The following DPP6 variants were observed in gnomAD, a reference collection of about 807,000 sequenced individuals.
DPP6 encodes the protein A-type potassium channel modulatory protein DPP6.
DPP6 carries 69 observed loss-of-function variants against 122.6 expected under a neutral mutation model. The observed-to-expected ratio is 0.56, with a 90% CI of 0.46 to 0.69. The LOEUF is 0.69. DPP6 is among the 30% of genes least tolerant of loss of function. The probability of loss-of-function intolerance (pLI) is 0.00; values close to 1 mark genes in which losing one functional copy is unlikely to be tolerated. For missense variants in DPP6, 928 were observed against 1,116.9 expected, an observed-to-expected ratio of 0.83 and a Z score of 2.41; for synonymous variants, 418 against 433.1, an observed-to-expected ratio of 0.97 and a Z score of 0.43.
chr7:153,940,253 AG>A (rs1585062028), intron 1 of DPP6, among the ~76,000 whole-genome samples: 1 of 152,072 alleles, frequency 6.6e-6, no homozygotes, highest in East Asian at 1.9e-4. Flanking sequence ...TCCAAACCAG[AG>A]GATCTATTTG....
At chr7:154,191,389 T>C (rs1381086296) in intron 1 of DPP6, among the ~76,000 whole-genome samples, 1 of 152,252 alleles carries the variant, frequency 6.6e-6, no homozygotes, top group Admixed American at 6.5e-5. Flanking sequence ...TGTTGCCTTA[T>C]TTATAAAATA....
chr7:154,446,924 C>T (rs542685083), intron 2 of DPP6, among the ~76,000 whole-genome samples: 8 of 152,082 alleles, frequency 5.3e-5, no homozygotes, highest in South Asian at 2.1e-4. Flanking sequence ...GAAGGTAGTA[C>T]GTAAAGTGGG....
At chr7:154,441,475 C>T (rs866278158) in intron 1 of DPP6, among the ~76,000 whole-genome samples, 7 of 152,140 alleles carry the variant, frequency 4.6e-5, no homozygotes, top group Middle Eastern at 3.2e-3. Flanking sequence ...GTGTCCCACT[C>T]CTTTCCTCCT....
chr7:153,877,026 G>T, the DPP6 span, among the ~76,000 whole-genome samples: 2 of 151,920 alleles, frequency 1.3e-5, no homozygotes, highest in African/African-American at 4.8e-5. Context: ...AGTGGTGAGT[G>T]AATGTGAAGG....
intron 4 of DPP6, among the ~76,000 whole-genome samples, chr7:154,546,557 T>A (rs1403309942): frequency 6.6e-6 from 1 of 152,160 alleles, no homozygotes; most frequent in East Asian, 1.9e-4. Context: ...TGTCTTGTTT[T>A]AATTACTAAT....
chr7:154,523,124 T>C (rs1417753996), intron 3 of DPP6, among the ~76,000 whole-genome samples: 1 of 152,230 alleles, frequency 6.6e-6, no homozygotes, highest in Non-Finnish European at 1.5e-5. Flanking sequence ...TCAGGGATTA[T>C]GTGGTCTTAT....
chr7:154,059,286 C>T (rs574795812), intron 1 of DPP6: 1 of 154,246 alleles, frequency 6.5e-6, no homozygotes, highest in Non-Finnish European at 1.4e-5. Context: ...GAGGCACCCC[C>T]CTTGAGGCGG....
At chr7:153,914,792 CCAAGAAAGCTCT>C (rs1216207139) in intron 1 of DPP6, among the ~76,000 whole-genome samples, 1 of 152,082 alleles carries the variant, frequency 6.6e-6, no homozygotes, top group Non-Finnish European at 1.5e-5. Flanking sequence ...AGTGCATCAC[CCAAGAAAGCTCT>C]CTGACCATGC....
At chr7:154,709,551 T>C (rs1841040706) in intron 7 of DPP6, among the ~76,000 whole-genome samples, 1 of 151,726 alleles carries the variant, frequency 6.6e-6, no homozygotes, top group African/African-American at 2.4e-5. Flanking sequence ...ATTTTGTATA[T>C]GTGTGAGTGT....
intron 4 of DPP6, among the ~76,000 whole-genome samples, chr7:154,556,117 C>T (rs1290883405): frequency 2.0e-5 from 3 of 152,228 alleles, no homozygotes; most frequent in East Asian, 3.9e-4. Flanking sequence ...ACAAGAACGA[C>T]GTTATATTCA....
Position 154,686,829 on chromosome 7 carries a change from T to C in DPP6, c.762+17388T>C, listed in dbSNP as rs142040102. 8.3e-3 allele frequency among the ~76,000 whole-genome samples: 1,268 copies of C among 152,250 alleles called. 12 individuals are homozygous for C. Among genetic ancestry groups the C allele is most frequent in the African/African-American group, 0.029 (1,200 of 41,526 alleles). ...TGCATTTTAAATGTTAATGAAATAT[T>C]TTATGAATAAAGAGTAATAAAATGA... is the stretch of plus-strand genomic sequence containing the variant. On this transcript the variant is annotated intron_variant, in intron 7 of 25. Transcript: ENST00000377770.
intron 1 of DPP6, among the ~76,000 whole-genome samples, chr7:153,915,783 T>C (rs1042866824): frequency 1.3e-5 from 2 of 152,150 alleles, no homozygotes; most frequent in African/African-American, 4.8e-5. Context: ...TTTGTATTTT[T>C]GGTAGAGAGA....
chr7:154,234,670 A>C (rs1209012405), intron 1 of DPP6, among the ~76,000 whole-genome samples: 2 of 152,086 alleles, frequency 1.3e-5, no homozygotes, highest in Non-Finnish European at 2.9e-5. Context: ...GCAAACACCC[A>C]ACACACACAT....
At chr7:153,995,358 G>A (rs184193872) in intron 1 of DPP6, among the ~76,000 whole-genome samples, 2,354 of 152,140 alleles carry the variant, frequency 0.015, 13 homozygotes, top group African/African-American at 0.034. Flanking sequence ...AGGCCGAGGC[G>A]GGTGGATCAC....
intron 1 of DPP6, among the ~76,000 whole-genome samples, chr7:154,395,821 T>TA (rs1815031094): frequency 6.6e-6 from 1 of 152,178 alleles, no homozygotes; most frequent in African/African-American, 2.4e-5. Flanking sequence ...TTGGCATCCT[T>TA]ACGTTGTTCT....
At chr7:154,734,923 C>G (rs940059976) in intron 8 of DPP6, among the ~76,000 whole-genome samples, 1 of 152,192 alleles carries the variant, frequency 6.6e-6, no homozygotes, top group Non-Finnish European at 1.5e-5. Flanking sequence ...GTGCCTGCCA[C>G]TGGTAACGTC....
chr7:153,817,764 C>T, the DPP6 span, among the ~76,000 whole-genome samples: 964 of 65,898 alleles, frequency 0.015, 4 homozygotes, highest in Middle Eastern at 0.034. Flanking sequence ...CAGGGCCTGT[C>T]GTGGGGTGGG....
At chr7:154,011,264 C>G (rs533289601) in intron 1 of DPP6, among the ~76,000 whole-genome samples, 5 of 152,270 alleles carry the variant, frequency 3.3e-5, no homozygotes, top group Admixed American at 2.0e-4. Context: ...AGATGACTGT[C>G]CTACTTTCTA....
At chr7:154,070,726 C>T (rs1273728557) in intron 1 of DPP6, among the ~76,000 whole-genome samples, 4 of 152,128 alleles carry the variant, frequency 2.6e-5, no homozygotes, top group Non-Finnish European at 5.9e-5. Context: ...TAAATTAGCA[C>T]AGATAATTCT....
Sources: allele counts gnomAD v4.1 joint callset (sites outside exome capture counted in the v4.1 genomes callset), GRCh38; gene constraint gnomAD v4.1.1; transcripts MANE v1.5; gene names NCBI Gene and HGNC (gene_info 2026-07-23, HGNC 2026-07-21).